Variants in PCCA observed in about 807,000 individuals in gnomAD.
PCCA encodes propionyl-CoA carboxylase subunit alpha.
PCCA carries 74 observed loss-of-function variants against 101.3 expected under a neutral mutation model. The ratio of observed to expected loss-of-function variants is 0.73; its 90% CI spans 0.61 to 0.89. The LOEUF (loss-of-function observed/expected upper bound fraction) is 0.89, where lower values mean the gene tolerates loss of function less well. Among genes scored for constraint, PCCA ranks in the 40% least tolerant of loss-of-function variants. PCCA has a pLI of 0.00. For synonymous variants in PCCA, 294 were observed against 313.6 expected, an observed-to-expected ratio of 0.94 and a Z score of 0.66; for missense variants, 891 against 907.0, an observed-to-expected ratio of 0.98 and a Z score of 0.23.
chr13:100,104,549 T>C, intron 2 of PCCA: 1 of 152,396 alleles, frequency 6.6e-6, no homozygotes, highest in Non-Finnish European at 1.5e-5. Context: ...CTGCTTTCCT[T>C]CTGCCATGAT....
At chr13:100,348,033 G>T (rs570653057) in intron 18 of PCCA, among the ~76,000 whole-genome samples, 1 of 152,314 alleles carries the variant, frequency 6.6e-6, no homozygotes, top group South Asian at 2.1e-4. Flanking sequence ...CATGAAAGCT[G>T]ATGTACGGTG....
chr13:100,261,829 G>A (rs563777811), intron 9 of PCCA, among the ~76,000 whole-genome samples: 1 of 152,092 alleles, frequency 6.6e-6, no homozygotes, highest in African/African-American at 2.4e-5. Context: ...CTGTGTGGGT[G>A]TATGTGGGAG....
At chr13:100,333,021 G>A (rs185000030) in intron 17 of PCCA, among the ~76,000 whole-genome samples, 57 of 152,246 alleles carry the variant, frequency 3.7e-4, no homozygotes, top group Admixed American at 2.2e-3. Context: ...AATCACAAAT[G>A]TTTTCAATCA....
chr13:100,299,720 C>CT (rs899935611), intron 12 of PCCA, among the ~76,000 whole-genome samples: 41 of 150,334 alleles, frequency 2.7e-4, no homozygotes, highest in African/African-American at 4.1e-4. Context: ...AGGTTCACCT[C>CT]TTTTTTTTTT....
chr13:100,168,360 A>G (rs932853953), intron 6 of PCCA, among the ~76,000 whole-genome samples: 8 of 152,234 alleles, frequency 5.3e-5, no homozygotes, highest in African/African-American at 1.7e-4. Flanking sequence ...AGAAAAAGCT[A>G]CATAATACCT....
chr13:100,434,386 C>G (rs944224890), intron 20 of PCCA, among the ~76,000 whole-genome samples: 1 of 152,126 alleles, frequency 6.6e-6, no homozygotes, highest in African/African-American at 2.4e-5. Flanking sequence ...ATACCCTTTT[C>G]TACTTCAGAG....
chr13:100,114,175 A>G (rs2152284325), intron 4 of PCCA, among the ~76,000 whole-genome samples: 1 of 152,298 alleles, frequency 6.6e-6, no homozygotes, highest in African/African-American at 2.4e-5. Context: ...CAACCCACAG[A>G]ATGGGAGAAG....
chr13:100,286,852 T>C (rs2064714464), intron 12 of PCCA, among the ~76,000 whole-genome samples: 1 of 152,088 alleles, frequency 6.6e-6, no homozygotes, highest in Non-Finnish European at 1.5e-5. Flanking sequence ...TTTTTAACTT[T>C]GTATGTGTTT....
chr13:100,444,431 CTTTTTTTTTTTTTTTTT>C (rs57941571), intron 20 of PCCA, among the ~76,000 whole-genome samples: 4 of 45,400 alleles, frequency 8.8e-5, no homozygotes, highest in African/African-American at 2.0e-4. Flanking sequence ...TTTGAACAAC[CTTTTTTTTTTTTTTTTT>C]TTTTTTTTTT....
At chr13:100,499,811 A>G (rs2085541094) in intron 21 of PCCA, among the ~76,000 whole-genome samples, 1 of 152,234 alleles carries the variant, frequency 6.6e-6, no homozygotes, top group Non-Finnish European at 1.5e-5. Context: ...ACAGTTTTCA[A>G]AATAACATAG....
At chr13:100,345,542 C>G (rs987215536) in intron 18 of PCCA, among the ~76,000 whole-genome samples, 1 of 152,212 alleles carries the variant, frequency 6.6e-6, no homozygotes. Flanking sequence ...AGGAAAGAAG[C>G]TGTCTCCATA....
At chr13:100,364,208 C>G (rs978942618) in intron 18 of PCCA, among the ~76,000 whole-genome samples, 2 of 152,120 alleles carry the variant, frequency 1.3e-5, no homozygotes, top group Non-Finnish European at 2.9e-5. Context: ...AAATGTACTT[C>G]GTTAAAGGAA....
At chr13:100,438,741 A>G (rs966136417) in intron 20 of PCCA, among the ~76,000 whole-genome samples, 1 of 151,012 alleles carries the variant, frequency 6.6e-6, no homozygotes, top group Non-Finnish European at 1.5e-5. Flanking sequence ...CCAAGAAAAC[A>G]CCCTTTACCA....
intron 20 of PCCA, among the ~76,000 whole-genome samples, chr13:100,434,375 A>G (rs2079777677): frequency 6.6e-6 from 1 of 152,106 alleles, no homozygotes; most frequent in Non-Finnish European, 1.5e-5. Context: ...GAGCCTCAAC[A>G]ATACCCTTTT....
At chr13:100,197,105 T>C (rs997230082) in intron 6 of PCCA, among the ~76,000 whole-genome samples, 7 of 152,214 alleles carry the variant, frequency 4.6e-5, no homozygotes, top group Non-Finnish European at 1.0e-4. Context: ...CTAGTACCAG[T>C]GCACATCCTT....
intron 1 of PCCA, among the ~76,000 whole-genome samples, chr13:100,099,611 C>T (rs2047096319): frequency 6.6e-6 from 1 of 152,024 alleles, no homozygotes; most frequent in Non-Finnish European, 1.5e-5. Context: ...GCCACTGTGC[C>T]CAGCTGGTGC....
intron 4 of PCCA, among the ~76,000 whole-genome samples, chr13:100,120,429 T>C (rs1457764646): frequency 1.3e-5 from 2 of 152,182 alleles, no homozygotes; most frequent in East Asian, 3.9e-4. Context: ...TCTAGGTCTT[T>C]AGATGTTTCT....
intron 22 of PCCA, among the ~76,000 whole-genome samples, chr13:100,518,455 A>C (rs1594112626): frequency 6.6e-6 from 1 of 152,190 alleles, no homozygotes; most frequent in African/African-American, 2.4e-5. Flanking sequence ...AGCCTGCCCT[A>C]AACACAGAAG....
chr13:100,201,123 C>T (rs189524679), intron 6 of PCCA, among the ~76,000 whole-genome samples: 2 of 152,106 alleles, frequency 1.3e-5, no homozygotes, highest in African/African-American at 2.4e-5. Flanking sequence ...ACATAATCTT[C>T]CTGTAATATT....
Sources: allele counts gnomAD v4.1 joint callset (sites outside exome capture counted in the v4.1 genomes callset), GRCh38; gene constraint gnomAD v4.1.1; transcripts MANE v1.5; gene names NCBI Gene and HGNC (gene_info 2026-07-23, HGNC 2026-07-21).